ATRNL1: variants seen among roughly 807,000 people sequenced by gnomAD.
ATRNL1 encodes the protein attractin-like protein 1.
In ATRNL1, 95 loss-of-function variants were observed where a neutral mutation model predicts 182.7. That is an observed-to-expected ratio of 0.52 (90% CI 0.44 to 0.62). The LOEUF (loss-of-function observed/expected upper bound fraction) is 0.62. Among genes scored for constraint, ATRNL1 ranks in the 20% least tolerant of loss-of-function variants. The pLI is 0.00. For missense variants in ATRNL1, 1,471 were observed against 1,679.5 expected (o/e 0.88, Z 2.17); for synonymous variants, 576 against 568.3 (o/e 1.01, Z -0.19).
intron 8 of ATRNL1, among the ~76,000 whole-genome samples, chr10:115,214,808 A>C (rs1017316531): frequency 6.6e-6 from 1 of 152,122 alleles, no homozygotes; most frequent in Non-Finnish European, 1.5e-5. Flanking sequence ...TTTATTAGTG[A>C]AACTGCATTG....
intron 26 of ATRNL1, among the ~76,000 whole-genome samples, chr10:115,569,042 G>A (rs1854230709): frequency 6.6e-6 from 1 of 151,388 alleles, no homozygotes; most frequent in South Asian, 2.1e-4. Flanking sequence ...AAAAATCTTG[G>A]CAATTAAAGG....
intron 20 of ATRNL1, among the ~76,000 whole-genome samples, chr10:115,423,793 G>A (rs141281729): frequency 1.8e-4 from 28 of 152,276 alleles, no homozygotes; most frequent in African/African-American, 6.0e-4. Flanking sequence ...AGATTTAAAT[G>A]TAAGTCCTCA....
At chr10:115,423,944 A>C (rs1845761244) in intron 20 of ATRNL1, among the ~76,000 whole-genome samples, 1 of 152,180 alleles carries the variant, frequency 6.6e-6, no homozygotes, top group African/African-American at 2.4e-5. Flanking sequence ...ATTACATCAA[A>C]ACAAAAGCTT....
intron 27 of ATRNL1, among the ~76,000 whole-genome samples, chr10:115,746,266 A>T (rs1948289224): frequency 6.6e-6 from 1 of 152,116 alleles, no homozygotes; most frequent in Admixed American, 6.6e-5. Context: ...TTATCATATT[A>T]GTATTGAAAA....
intron 26 of ATRNL1, among the ~76,000 whole-genome samples, chr10:115,554,729 A>G (rs1188215909): frequency 6.6e-6 from 1 of 151,668 alleles, no homozygotes; most frequent in Non-Finnish European, 1.5e-5. Flanking sequence ...TGGAAGTCAG[A>G]TTAGTAATGG....
rs565225390 is a variant in ATRNL1, at chr10:115,126,939, C to T, written c.492-654C>T. ...AAAACTATTTTGTACATTTATATCTCCCCCACCCCAAGTTTTTGTTTGTGT... is the reference window on the plus strand; with the variant it reads ...AAAACTATTTTGTACATTTATATCTTCCCCACCCCAAGTTTTTGTTTGTGT... On this transcript the variant is annotated intron_variant, in intron 3 of 28. Coordinates refer to ENST00000355044, the MANE Select transcript of ATRNL1 (RefSeq NM_207303.4). Among the ~76,000 whole-genome samples, 302 of 152,226 alleles carry T rather than the reference C, an allele frequency of 2.0e-3. 1 individual carries two copies. The highest frequency in any genetic ancestry group is 3.8e-3 in the Non-Finnish European group (255 of 67,998).
chr10:115,242,498 A>G (rs373124996), intron 10 of ATRNL1, among the ~76,000 whole-genome samples: 19 of 152,058 alleles, frequency 1.2e-4, no homozygotes, highest in Middle Eastern at 6.8e-3. Flanking sequence ...AGTACTTAAG[A>G]GCACCTTTTA....
intron 25 of ATRNL1, among the ~76,000 whole-genome samples, chr10:115,537,470 A>G (rs1328011): frequency 6.6e-6 from 1 of 151,922 alleles, no homozygotes; most frequent in Admixed American, 6.6e-5. Context: ...TTCCTTAATG[A>G]CCTACATGAA....
intron 19 of ATRNL1, among the ~76,000 whole-genome samples, chr10:115,370,558 C>G (rs1554947711): frequency 6.6e-6 from 1 of 152,198 alleles, no homozygotes; most frequent in Non-Finnish European, 1.5e-5. Context: ...GCATTTTGCC[C>G]TTGCCCTAGA....
intron 27 of ATRNL1, among the ~76,000 whole-genome samples, chr10:115,790,266 A>T (rs1949498436): frequency 6.6e-6 from 1 of 151,908 alleles, no homozygotes; most frequent in Non-Finnish European, 1.5e-5. Flanking sequence ...GAAAAAAAAA[A>T]AAAAACTCTT....
intron 27 of ATRNL1, among the ~76,000 whole-genome samples, chr10:115,774,204 G>A (rs1206447660): frequency 2.0e-5 from 3 of 152,036 alleles, no homozygotes; most frequent in Admixed American, 2.0e-4. Context: ...GAGGCGGGCA[G>A]ATCACCTGAG....
intron 26 of ATRNL1, among the ~76,000 whole-genome samples, chr10:115,641,990 A>G (rs899896014): frequency 6.6e-5 from 10 of 152,118 alleles, no homozygotes; most frequent in Non-Finnish European, 1.0e-4. Context: ...CAAGTAAACT[A>G]TAATGTAAGC....
rs782017584 is a variant in ATRNL1, at chr10:115,129,516, C to T, written c.810C>T (p.Val270=). The T allele has an allele frequency of 1.9e-6, 3 of 1,614,038 alleles. No individual in the cohort carries two copies. In the Admixed American group the frequency reaches 5.0e-5, roughly 27 times the overall value. The change falls in exon 5 of 29, where the codon GTC becomes GTT. Residue 270 remains valine (V), a synonymous_variant. Transcript: ENST00000355044. ...ACCTGACTGGAGAAAAATTATGTGT[C>T]TGCAATGATAGTTGGCAAGGTAAGC... ...YCDLTGEKLC[V]CNDSWQGPDC...
chr10:115,650,958 A>G (rs1381320780), intron 26 of ATRNL1, among the ~76,000 whole-genome samples: 1 of 152,092 alleles, frequency 6.6e-6, no homozygotes, highest in African/African-American at 2.4e-5. Context: ...CTCTGAATAT[A>G]TTTTAATTTG....
intron 26 of ATRNL1, among the ~76,000 whole-genome samples, chr10:115,647,157 C>T (rs1593003309): frequency 1.3e-5 from 2 of 152,160 alleles, no homozygotes; most frequent in South Asian, 4.2e-4. Flanking sequence ...GCGTAGTATT[C>T]CATGGTGTAT....
At chr10:115,709,002 C>T (rs1488234971) in intron 26 of ATRNL1, among the ~76,000 whole-genome samples, 4 of 151,664 alleles carry the variant, frequency 2.6e-5, no homozygotes, top group African/African-American at 9.7e-5. Flanking sequence ...AGAAAGGGAA[C>T]ACACATGCTT....
chr10:115,330,672 C>CTTTTTT (rs200104323), intron 18 of ATRNL1, among the ~76,000 whole-genome samples: 42 of 101,342 alleles, frequency 4.1e-4, no homozygotes, highest in Non-Finnish European at 4.8e-4. Context: ...GTGTTATTTG[C>CTTTTTT]TTTTTTTTTT....
At chr10:115,899,951 G>C (rs1555113304) in intron 28 of ATRNL1, among the ~76,000 whole-genome samples, 5 of 152,128 alleles carry the variant, frequency 3.3e-5, no homozygotes, top group Non-Finnish European at 7.4e-5. Context: ...GCCAAGACTA[G>C]CCAAGGCACT....
intron 26 of ATRNL1, among the ~76,000 whole-genome samples, chr10:115,649,979 G>C (rs967107263): frequency 6.6e-6 from 1 of 152,126 alleles, no homozygotes; most frequent in African/African-American, 2.4e-5. Flanking sequence ...AAGCTCTATT[G>C]TTATGAAGAA....
Sources: gnomAD v4.1 joint callset for allele counts (sites outside exome capture counted in the v4.1 genomes callset) on GRCh38, gnomAD v4.1.1 for gene constraint, MANE v1.5 for transcripts, NCBI Gene and HGNC (gene_info 2026-07-23, HGNC 2026-07-21) for gene names.